The following MGLL variants were observed in gnomAD, a reference collection of about 807,000 sequenced individuals.
MGLL encodes the protein monoglyceride lipase, also known as lysophospholipase homolog.
In MGLL, 7 loss-of-function variants were observed where a neutral mutation model predicts 29.1. The observed-to-expected ratio is 0.24, with a 90% CI of 0.14 to 0.45. MGLL has a LOEUF of 0.45. Ranked by LOEUF, MGLL falls within the 20% of genes least tolerant of loss-of-function variation. The probability of loss-of-function intolerance (pLI) is 0.99; values close to 1 mark genes in which losing one functional copy is unlikely to be tolerated. For missense variants in MGLL, 356 were observed against 413.6 expected, an observed-to-expected ratio of 0.86 and a Z score of 1.21; for synonymous variants, 148 against 168.3, an observed-to-expected ratio of 0.88 and a Z score of 0.93.
intron 7 of MGLL, among the ~76,000 whole-genome samples, chr3:127,692,654 C>A (rs1344752703): frequency 6.6e-6 from 1 of 152,190 alleles, no homozygotes; most frequent in Non-Finnish European, 1.5e-5. Flanking sequence ...CCCGGCCTCA[C>A]ATCCTGACCT....
At chr3:127,715,929 T>C (rs1427105391) in intron 5 of MGLL, 1 of 421,460 alleles carries the variant, frequency 2.4e-6, no homozygotes, top group Admixed American at 2.5e-5. Flanking sequence ...CCTCGAATAG[T>C]CCTACAGGAG....
Position 127,721,170 on chromosome 3 carries a change from T to C in MGLL, c.400-7A>G, listed in dbSNP as rs1406442585. 5 of 1,612,974 alleles carry C rather than the reference T, an allele frequency of 3.1e-6. No homozygotes were observed. Among genetic ancestry groups the C allele is most frequent in the African/African-American group, 1.3e-5 (1 of 74,920 alleles). ...GGATGGCGATGGCGCCTCCCTGTAA[T>C]GCAGAATGGGCAGAGCTGCTGTGTT... On this transcript the variant is annotated splice_region_variant and splice_polypyrimidine_tract_variant and intron_variant, in intron 4 of 7. Transcript: ENST00000265052.
At chr3:127,728,703 G>A (rs539517507) in intron 3 of MGLL, among the ~76,000 whole-genome samples, 1 of 152,330 alleles carries the variant, frequency 6.6e-6, no homozygotes, top group East Asian at 1.9e-4. Context: ...ACTATTTTAT[G>A]TCATCTGCAT....
At chr3:127,715,494 T>G in intron 5 of MGLL, 1 of 354,128 alleles carries the variant, frequency 2.8e-6, no homozygotes, top group Middle Eastern at 1.0e-3. Context: ...AGAGCTGCCA[T>G]GCAGGGGCAG....
At chr3:127,821,631 C>A in intron 2 of MGLL, 63 bp downstream of exon 2, 3 of 1,588,426 alleles carry the variant, frequency 1.9e-6, no homozygotes, top group East Asian at 4.5e-5. Context: ...ATGATAACGA[C>A]CAGAGGAGAA....
chr3:127,821,797 T>C lies in MGLL; in HGVS notation c.52A>G (p.Arg18Gly), dbSNP rs1370121000. 1 of 1,614,122 alleles carries C rather than the reference T, an allele frequency of 6.2e-7. No homozygotes were observed. Among genetic ancestry groups the C allele is most frequent in the African/African-American group, 1.3e-5 (1 of 75,042 alleles). Reference protein sequence around the residue: ...PSSMPEESSPRRTPQSIPYQD... With the variant: ...PSSMPEESSPGRTPQSIPYQD... ...TAGGGAATGCTCTGCGGGGTCCGCC[T>C]GGGGGAACTTTCCTCTGGCATGCTG... The change falls in exon 2 of 8, where the codon AGG (arginine) becomes GGG (glycine). Residue 18 changes from arginine (R) to glycine (G), a missense_variant. Arg to Gly is a moderately radical substitution (Grantham distance 125, BLOSUM62 -2). Transcript: ENST00000265052.
At chr3:127,808,776 C>T (rs2077611341) in intron 2 of MGLL, among the ~76,000 whole-genome samples, 1 of 152,218 alleles carries the variant, frequency 6.6e-6, no homozygotes, top group African/African-American at 2.4e-5. Flanking sequence ...TCTACTTAGT[C>T]TGGACATGTG....
chr3:127,701,905 G>A (rs1038983117), intron 6 of MGLL, among the ~76,000 whole-genome samples: 4 of 152,142 alleles, frequency 2.6e-5, no homozygotes, highest in African/African-American at 9.7e-5. Flanking sequence ...GTGGACAGGT[G>A]CCCAGACACC....
At chr3:127,798,339 G>T (rs1477533200) in intron 2 of MGLL, among the ~76,000 whole-genome samples, 1 of 152,160 alleles carries the variant, frequency 6.6e-6, no homozygotes, top group Non-Finnish European at 1.5e-5. Context: ...CAGGCAGCAC[G>T]TCTCTCTGAG....
intron 6 of MGLL, among the ~76,000 whole-genome samples, chr3:127,696,614 A>G (rs1464667953): frequency 2.6e-5 from 4 of 151,730 alleles, no homozygotes; most frequent in African/African-American, 9.7e-5. Flanking sequence ...GGGTTTTGCC[A>G]TGTTGGTCAG....
chr3:127,802,759 G>A (rs573417633), intron 2 of MGLL, among the ~76,000 whole-genome samples: 1 of 152,316 alleles, frequency 6.6e-6, no homozygotes, highest in South Asian at 2.1e-4. Context: ...ATGCCAAAGG[G>A]CTCCTCTGAG....
At chr3:127,715,617 AAG>A (rs747440868) in intron 5 of MGLL, 1 of 453,384 alleles carries the variant, frequency 2.2e-6, no homozygotes, top group South Asian at 1.6e-5. Context: ...TGGGAGGAGA[AAG>A]AGCTAAGCAG....
chr3:127,763,708 C>T (rs1404039827), intron 3 of MGLL, among the ~76,000 whole-genome samples: 3 of 152,200 alleles, frequency 2.0e-5, no homozygotes, highest in East Asian at 3.9e-4. Context: ...TGTGCTGCCT[C>T]GCTGAGCTTC....
At chr3:127,788,651 C>G (rs572969105) in intron 2 of MGLL, among the ~76,000 whole-genome samples, 26 of 152,304 alleles carry the variant, frequency 1.7e-4, no homozygotes, top group Non-Finnish European at 3.2e-4. Context: ...CAGAGGCCTG[C>G]TCTTGCCCTC....
At chr3:127,822,629 C>G (rs2077884219), upstream of MGLL, 1 of 422,610 alleles carries the variant, frequency 2.4e-6, no homozygotes, top group Non-Finnish European at 4.2e-6. Context: ...GGGAGGGGCC[C>G]GGGAAACTGG....
Position 127,690,570 on chromosome 3 carries a change from AG to A in MGLL, c.*1627del. 1 of 152,876 alleles carries A rather than the reference AG, an allele frequency of 6.5e-6. No homozygotes were observed. The highest frequency in any genetic ancestry group is 1.9e-4 in the East Asian group (1 of 5,186). The allele number at this position is 152,876 out of a possible 1,614,324, so 9.5% of individuals were successfully genotyped here. On this transcript the variant is annotated 3_prime_UTR_variant, in exon 8 of 8. Transcript: ENST00000265052. ...CCGCTGCTGGAGGAAGAAGGGCGGG[AG>A]CCCCTGAGGCCTAGACTTCATGTTG...
At chr3:127,743,274 G>A (rs2076378992) in intron 3 of MGLL, among the ~76,000 whole-genome samples, 1 of 152,156 alleles carries the variant, frequency 6.6e-6, no homozygotes, top group South Asian at 2.1e-4. Context: ...TTATTGGAGA[G>A]AGGATGCCAG....
In MGLL at chr3:127,781,899, C is replaced by A. The variant is rs371453847; in HGVS notation, c.156-4G>T. The A allele has an allele frequency of 1.9e-6, 3 of 1,613,720 alleles. No homozygotes were observed. Among genetic ancestry groups the A allele is most frequent in the Non-Finnish European group, 2.5e-6 (3 of 1,179,866 alleles). On this transcript the variant is annotated splice_polypyrimidine_tract_variant and splice_region_variant and intron_variant, in intron 2 of 7. Coordinates refer to ENST00000265052, the MANE Select transcript of MGLL (RefSeq NM_007283.7). Reference sequence around the variant, plus strand: ...ATGGGACACAAAGATGAGGGCCCTGCAGAGACAAGAAGGGAGCCTGGTTAG... The same window carrying A: ...ATGGGACACAAAGATGAGGGCCCTGAAGAGACAAGAAGGGAGCCTGGTTAG...
intron 2 of MGLL, among the ~76,000 whole-genome samples, chr3:127,786,447 C>T (rs116668941): frequency 0.017 from 2,663 of 152,330 alleles, 79 homozygotes; most frequent in African/African-American, 0.06. Context: ...ACTTCTTTAA[C>T]GGCTGCAGCC....
Sources: allele counts gnomAD v4.1 joint callset (sites outside exome capture counted in the v4.1 genomes callset), GRCh38; gene constraint gnomAD v4.1.1; transcripts MANE v1.5; gene names NCBI Gene and HGNC (gene_info 2026-07-23, HGNC 2026-07-21).